Variants in BBS9 observed in about 807,000 individuals in gnomAD.
The protein encoded by BBS9 is protein PTHB1.
Under a neutral mutation model 117.7 loss-of-function variants are expected in BBS9, and 89 were observed. That is an observed-to-expected ratio of 0.76 (90% CI 0.64 to 0.90). The LOEUF is 0.90. Among genes scored for constraint, BBS9 ranks in the 40% least tolerant of loss-of-function variants. BBS9 has a pLI of 0.00. For synonymous variants in BBS9, 379 were observed against 370.9 expected (o/e 1.02, Z -0.25); for missense variants, 982 against 1,042.2 (o/e 0.94, Z 0.80).
chr7:33,439,365 T>G (rs575595106), intron 19 of BBS9, among the ~76,000 whole-genome samples: 16 of 152,252 alleles, frequency 1.1e-4, no homozygotes, highest in Admixed American at 7.8e-4. Context: ...AGAATTCCAT[T>G]TTACTATATT....
intron 19 of BBS9, among the ~76,000 whole-genome samples, chr7:33,416,542 C>T (rs757555384): frequency 3.3e-5 from 5 of 151,812 alleles, no homozygotes; most frequent in South Asian, 2.1e-4. Context: ...TGCATGGAGA[C>T]GATAGTTACT....
intron 19 of BBS9, among the ~76,000 whole-genome samples, chr7:33,429,010 T>G (rs963174363): frequency 1.3e-5 from 2 of 152,218 alleles, no homozygotes; most frequent in African/African-American, 2.4e-5. Flanking sequence ...AATACACTTA[T>G]AAGCATGTTA....
At chr7:33,404,179 C>A (rs891831163) in intron 19 of BBS9, among the ~76,000 whole-genome samples, 1 of 152,100 alleles carries the variant, frequency 6.6e-6, no homozygotes, top group Non-Finnish European at 1.5e-5. Context: ...TTTCTGAGGG[C>A]TCTGTTCTGT....
intron 20 of BBS9, among the ~76,000 whole-genome samples, chr7:33,526,943 T>C (rs1849616640): frequency 6.7e-6 from 1 of 148,522 alleles, no homozygotes; most frequent in African/African-American, 2.5e-5. Context: ...ATGTCCTTTC[T>C]GTTTGTTAGT....
Position 33,351,210 on chromosome 7 carries a change from T to C in BBS9, c.1433-9T>C. The C allele has an allele frequency of 6.4e-7, 1 of 1,561,364 alleles. No individual in the cohort carries two copies. Among genetic ancestry groups the C allele is most frequent in the Non-Finnish European group, 8.8e-7 (1 of 1,132,570 alleles). On this transcript the variant is annotated splice_polypyrimidine_tract_variant and intron_variant, in intron 13 of 22. Coordinates refer to ENST00000242067, the MANE Select transcript of BBS9 (RefSeq NM_198428.3). ...TATGTAATTTATATTATTTTTACAT[T>C]GCTTATAGCACCAGATTTGACTAGA...
intron 21 of BBS9, among the ~76,000 whole-genome samples, chr7:33,603,842 C>G (rs1864177383): frequency 6.6e-6 from 1 of 152,140 alleles, no homozygotes; most frequent in Non-Finnish European, 1.5e-5. Flanking sequence ...ATTTCTGTTT[C>G]AGAGTTGATG....
At chr7:33,239,449 C>T (rs183343437) in intron 5 of BBS9, among the ~76,000 whole-genome samples, 22 of 151,730 alleles carry the variant, frequency 1.4e-4, no homozygotes, top group Non-Finnish European at 2.9e-4. Context: ...CTTGCTCTGT[C>T]ACCAGGCTGG....
At chr7:33,264,665 C>G (rs1444553944) in intron 7 of BBS9, among the ~76,000 whole-genome samples, 1 of 152,064 alleles carries the variant, frequency 6.6e-6, no homozygotes, top group Non-Finnish European at 1.5e-5. Flanking sequence ...AAAAAAATCT[C>G]TCCTTAATAG....
At chr7:33,487,685 C>T (rs770157137) in intron 19 of BBS9, among the ~76,000 whole-genome samples, 2 of 152,156 alleles carry the variant, frequency 1.3e-5, no homozygotes, top group Admixed American at 6.5e-5. Flanking sequence ...GTACCCTATG[C>T]TCACATTTTG....
At chr7:33,369,362 T>C (rs935207060) in intron 17 of BBS9, among the ~76,000 whole-genome samples, 17 of 152,220 alleles carry the variant, frequency 1.1e-4, no homozygotes, top group African/African-American at 3.4e-4. Context: ...TAATGTATTT[T>C]ATTTATAACT....
intron 4 of BBS9, among the ~76,000 whole-genome samples, chr7:33,160,538 T>C (rs1301085940): frequency 6.6e-6 from 1 of 152,074 alleles, no homozygotes; most frequent in Admixed American, 6.6e-5. Context: ...CAAGAAAAAA[T>C]AGGTAAGAGT....
At chr7:33,507,634 C>T (rs1390448133) in intron 20 of BBS9, among the ~76,000 whole-genome samples, 1 of 152,212 alleles carries the variant, frequency 6.6e-6, no homozygotes, top group Non-Finnish European at 1.5e-5. Context: ...TCCTCAGTAC[C>T]TGGCACAGTG....
At chr7:33,140,764 A>G (rs1258682653) in intron 1 of BBS9, among the ~76,000 whole-genome samples, 2 of 152,214 alleles carry the variant, frequency 1.3e-5, no homozygotes, top group African/African-American at 4.8e-5. Flanking sequence ...GACAATTTGT[A>G]TGGTTATATA....
At chr7:33,380,665 A>G (rs1178594784) in intron 17 of BBS9, 3 of 152,270 alleles carry the variant, frequency 2.0e-5, no homozygotes, top group African/African-American at 4.8e-5. Context: ...AATTTGGCCC[A>G]TACCTGCCAC....
intron 19 of BBS9, among the ~76,000 whole-genome samples, chr7:33,428,018 T>C (rs890853100): frequency 6.6e-6 from 1 of 152,180 alleles, no homozygotes; most frequent in Non-Finnish European, 1.5e-5. Context: ...GTTTTCTCTG[T>C]TCCCCTCCAC....
At chr7:33,233,543 C>T (rs1441027265) in intron 5 of BBS9, among the ~76,000 whole-genome samples, 1 of 152,118 alleles carries the variant, frequency 6.6e-6, no homozygotes, top group African/African-American at 2.4e-5. Flanking sequence ...GTATTTCATA[C>T]ACTATGTTTT....
intron 21 of BBS9, among the ~76,000 whole-genome samples, chr7:33,554,708 A>G (rs1416472108): frequency 1.3e-5 from 2 of 152,134 alleles, no homozygotes; most frequent in Admixed American, 6.6e-5. Context: ...AGCTCAGGGG[A>G]AAAGCCTGGG....
At chr7:33,178,722 T>G (rs1583489814) in intron 5 of BBS9, among the ~76,000 whole-genome samples, 1 of 152,162 alleles carries the variant, frequency 6.6e-6, no homozygotes, top group Non-Finnish European at 1.5e-5. Flanking sequence ...TATTTTTCCT[T>G]AGCAACATGA....
At chr7:33,204,263 TG>T in intron 5 of BBS9, among the ~76,000 whole-genome samples, 1 of 4,184 alleles carries the variant, frequency 2.4e-4, no homozygotes, top group Admixed American at 3.8e-3. Flanking sequence ...AATTAGCCGG[TG>T]GTGGTGGTGG....
Sources: allele counts gnomAD v4.1 joint callset (sites outside exome capture counted in the v4.1 genomes callset), GRCh38; gene constraint gnomAD v4.1.1; transcripts MANE v1.5; gene names NCBI Gene and HGNC (gene_info 2026-07-23, HGNC 2026-07-21).